The following VPS13C variants were observed in gnomAD, a reference collection of about 807,000 sequenced individuals.
VPS13C encodes intermembrane lipid transfer protein VPS13C.
A neutral mutation model predicts 456.8 loss-of-function variants in VPS13C; 358 were observed. The observed-to-expected ratio is 0.78, with a 90% CI of 0.72 to 0.86. The LOEUF (loss-of-function observed/expected upper bound fraction) is 0.86, where lower values mean the gene tolerates loss of function less well. VPS13C is among the 40% of genes least tolerant of loss of function. The probability of loss-of-function intolerance (pLI) is 0.00; values close to 1 mark genes in which losing one functional copy is unlikely to be tolerated. For missense variants in VPS13C, 4,818 were observed against 4,385.4 expected, an observed-to-expected ratio of 1.10 and a Z score of -2.79; for synonymous variants, 1,578 against 1,486.7, an observed-to-expected ratio of 1.06 and a Z score of -1.41.
rs762489461 is a variant in VPS13C at position 61,854,918 on chromosome 15, G to C, written c.11113C>G (p.Gln3705Glu). 29 of 1,613,242 alleles carry C rather than the reference G, an allele frequency of 1.8e-5. No individual in the cohort carries two copies. The East Asian group carries it at 5.1e-4, about 29-fold the overall frequency. ...GLFHKKDSANQGCVRKVYLKD... is the reference protein window; with the variant it reads ...GLFHKKDSANEGCVRKVYLKD... ...AGGTAAACTTTTCGAACACAGCCTT[G>C]ATTGGCACTGTCTTTTTTGTGGAAC... is the stretch of plus-strand genomic sequence containing the variant. The change falls in exon 84 of 85, where the codon CAA becomes GAA. Residue 3705 changes from glutamine (Q) to glutamate (E), a missense_variant. Around this residue, in one of 3 missense-constraint regions of VPS13C, gnomAD observed 261 missense variants for 234.1 expected, o/e 1.11. Coordinates refer to ENST00000644861, the MANE Select transcript of VPS13C (RefSeq NM_020821.3).
chr15:61,914,717 C>T (rs143487448), intron 61 of VPS13C, among the ~76,000 whole-genome samples: 10,145 of 150,672 alleles, frequency 0.067, 552 homozygotes, highest in East Asian at 0.19. Flanking sequence ...TCTGCCACCA[C>T]GCCCAGCTAA....
intron 37 of VPS13C, 46 bp from the exon 38 acceptor site, chr15:61,954,600 T>C (rs2044922523): frequency 6.5e-7 from 1 of 1,538,226 alleles, no homozygotes; most frequent in Non-Finnish European, 8.7e-7. Context: ...ACAAATTTCT[T>C]CCACAAATAT....
chr15:61,981,535 A>G, intron 21 of VPS13C, 57 bp from the exon 22 acceptor site: 1 of 1,489,058 alleles, frequency 6.7e-7, no homozygotes, highest in East Asian at 2.4e-5. Context: ...ATGTAATCAT[A>G]TTATTAACAA....
intron 66 of VPS13C, among the ~76,000 whole-genome samples, chr15:61,898,588 C>T (rs1406328585): frequency 2.6e-5 from 4 of 151,578 alleles, no homozygotes; most frequent in Admixed American, 6.6e-5. Context: ...CACAGGAGCA[C>T]CCAGATTCAT....
At chr15:61,906,469 T>G (rs775096341) in intron 66 of VPS13C, among the ~76,000 whole-genome samples, 1 of 152,184 alleles carries the variant, frequency 6.6e-6, no homozygotes, top group African/African-American at 2.4e-5. Flanking sequence ...CTCTCTAGTA[T>G]CTACATGCTA....
chr15:61,920,639 C>A lies in VPS13C; in HGVS notation c.7071G>T (p.Lys2357Asn). ...GCAAACTTTTATCCTGAACTGGGTT[C>A]TTCTTTACCTATGAAGAAAAATAAC... ...RQWNLRLDVK[K>N]NPVQDKSLLP... The change falls in exon 56 of 85, where the codon AAG becomes AAT. Residue 2357 changes from lysine (K) to asparagine (N), a missense_variant. By Grantham distance (94) the Lys-to-Asn change is moderately conservative. This residue lies in a region of VPS13C where 4,552 missense variants were observed against 4,130.6 expected (regional missense o/e 1.10). Coordinates refer to ENST00000644861, the MANE Select transcript of VPS13C (RefSeq NM_020821.3). 2 of 1,563,694 alleles carry A rather than the reference C, an allele frequency of 1.3e-6. No homozygotes were observed. The highest frequency in any genetic ancestry group is 1.7e-6 in the Non-Finnish European group (2 of 1,164,766).
At chr15:62,050,825 A>G (rs1027753795) in intron 1 of VPS13C, among the ~76,000 whole-genome samples, 1 of 151,176 alleles carries the variant, frequency 6.6e-6, no homozygotes, top group East Asian at 1.9e-4. Context: ...AAAAAAAAAA[A>G]GTAAATCCTG....
At chr15:61,911,786 G>C in intron 63 of VPS13C, 54 bp downstream of exon 63, 1 of 1,432,238 alleles carries the variant, frequency 7.0e-7, no homozygotes. Flanking sequence ...TTATTTAGAT[G>C]TCAATATTTA....
chr15:61,930,587 T>G (rs2044022510), intron 50 of VPS13C, among the ~76,000 whole-genome samples: 2 of 152,218 alleles, frequency 1.3e-5, no homozygotes, highest in South Asian at 4.1e-4. Context: ...AAATTACATA[T>G]TTCCCATTTT....
In VPS13C at chr15:61,944,136, A is replaced by G. The variant is rs183301807; in HGVS notation, c.5148+1579T>C. 2.5e-3 allele frequency among the ~76,000 whole-genome samples: 381 copies of G among 152,326 alleles called. 2 individuals carry two copies. Among genetic ancestry groups the G allele is most frequent in the Non-Finnish European group, 3.8e-3 (257 of 68,026 alleles). ...ATGGCTGTTATTAAAAAGTCAATAA[A>G]TAACAGATGCTAGGGAGACTGCAGA... is the stretch of plus-strand genomic sequence containing the variant. On this transcript the variant is annotated intron_variant, in intron 45 of 84. Transcript: ENST00000644861.
chr15:61,951,161 T>C, intron 39 of VPS13C, 137 bp from the exon 40 acceptor site: 2 of 530,552 alleles, frequency 3.8e-6, no homozygotes, highest in Non-Finnish European at 3.3e-6. Context: ...GTATGTTCTG[T>C]ATAAATCTTA....
chr15:62,050,030 C>A (rs1174843743), intron 1 of VPS13C, among the ~76,000 whole-genome samples: 1 of 152,168 alleles, frequency 6.6e-6, no homozygotes, highest in African/African-American at 2.4e-5. Flanking sequence ...TCTAGATATA[C>A]AATCATGTCA....
intron 66 of VPS13C, among the ~76,000 whole-genome samples, chr15:61,896,767 G>A (rs1218105236): frequency 6.6e-6 from 1 of 152,202 alleles, no homozygotes; most frequent in East Asian, 1.9e-4. Context: ...AAGGAGGCCT[G>A]CCTGCCTCTG....
In VPS13C at chr15:61,945,901, C is replaced by T; in HGVS notation, c.4981-19G>A. 1 of 1,582,534 alleles carries T rather than the reference C, an allele frequency of 6.3e-7. No homozygotes were observed. The highest frequency in any genetic ancestry group is 8.5e-7 in the Non-Finnish European group (1 of 1,170,962). ...AGACAGCCTAAAAGTATTAGATTAA[C>T]TGGTTATTATATCAAAAGAGCTGTA... is the stretch of plus-strand genomic sequence containing the variant. On this transcript the variant is annotated intron_variant, in intron 44 of 84. Coordinates refer to ENST00000644861, the MANE Select transcript of VPS13C (RefSeq NM_020821.3).
intron 62 of VPS13C, 32 bp downstream of exon 62, chr15:61,913,279 A>C (rs2043356932): frequency 6.3e-7 from 1 of 1,585,358 alleles, no homozygotes; most frequent in Admixed American, 1.7e-5. Context: ...AGGTGAACGG[A>C]ATCAAAGGTA....
chr15:62,009,437 C>A (rs1252450063), intron 13 of VPS13C, among the ~76,000 whole-genome samples: 2 of 151,840 alleles, frequency 1.3e-5, no homozygotes, highest in Non-Finnish European at 2.9e-5. Context: ...CTAAAGGTTA[C>A]CTACCATGCG....
In VPS13C at chr15:61,889,087, T is replaced by C. The variant is rs577078812; in HGVS notation, c.9341+1078A>G. Among the ~76,000 whole-genome samples, 3 of 152,242 alleles carry C rather than the reference T, an allele frequency of 2.0e-5. No individual in the cohort carries two copies. In the South Asian group the frequency reaches 6.2e-4, roughly 32 times the overall value. ...GAAAATCTAGATTTCACTGAATGTG[T>C]ACCATGTCATAAAAAAGGTAATGAA... On this transcript the variant is annotated intron_variant, in intron 67 of 84. Transcript: ENST00000644861.
At chr15:61,866,431 A>G in intron 81 of VPS13C, 2 of 984,308 alleles carry the variant, frequency 2.0e-6, no homozygotes, top group Non-Finnish European at 2.4e-6. Context: ...TAAACAAAAC[A>G]ATTAAGAAAA....
intron 42 of VPS13C, 144 bp from the exon 43 acceptor site, chr15:61,947,453 T>C: frequency 1.9e-6 from 1 of 534,112 alleles, no homozygotes; most frequent in East Asian, 3.4e-5. Context: ...GTAATTAACA[T>C]AAATTTTGGA....
Sources: gnomAD v4.1 joint callset for allele counts (sites outside exome capture counted in the v4.1 genomes callset) on GRCh38, gnomAD v4.1.1 for gene constraint, gnomAD v4.1.1 regional missense constraint, MANE v1.5 for transcripts, NCBI Gene and HGNC (gene_info 2026-07-23, HGNC 2026-07-21) for gene names.